Variants in PSMD1 observed in about 807,000 individuals in gnomAD.
PSMD1 encodes proteasome 26S subunit, non-ATPase 1, also known as 26S proteasome non-ATPase regulatory subunit 1.
A neutral mutation model predicts 119.0 loss-of-function variants in PSMD1; 18 were observed. That is an observed-to-expected ratio of 0.15 (90% CI 0.10 to 0.22). PSMD1 has a LOEUF of 0.22. Ranked by LOEUF, PSMD1 falls within the 10% of genes least tolerant of loss-of-function variation. The pLI is 1.00. For missense variants in PSMD1, 702 were observed against 1,158.5 expected (o/e 0.61, Z 5.72); for synonymous variants, 374 against 396.6 (o/e 0.94, Z 0.68).
Position 231,098,055 on chromosome 2 carries a change from G to A in PSMD1, c.1883+10874G>A, listed in dbSNP as rs189706910. Among the ~76,000 whole-genome samples the A allele has an allele frequency of 5.1e-3, 770 of 152,338 alleles. 3 individuals are homozygous for A. The highest frequency in any genetic ancestry group is 5.1e-3 in the Non-Finnish European group (350 of 68,036). ...GAGACATGAATTGAACTTAGTGTTGGGAGACGGAAGCTGGATGGCCCTCGG... is the reference window on the plus strand; with the variant it reads ...GAGACATGAATTGAACTTAGTGTTGAGAGACGGAAGCTGGATGGCCCTCGG... On this transcript the variant is annotated intron_variant, in intron 16 of 24. Transcript: ENST00000308696.
intron 16 of PSMD1, among the ~76,000 whole-genome samples, chr2:231,102,991 T>C (rs1694905235): frequency 6.6e-6 from 1 of 152,254 alleles, no homozygotes; most frequent in South Asian, 2.1e-4. Flanking sequence ...TTTTAAACTT[T>C]AGAAGAGATT....
At chr2:231,165,134 C>A in intron 21 of PSMD1, 66 bp from the exon 22 acceptor site, 1 of 1,210,198 alleles carries the variant, frequency 8.3e-7, no homozygotes, top group Non-Finnish European at 1.1e-6. Flanking sequence ...GGACTGAGTT[C>A]TCTAGGGCTT....
intron 21 of PSMD1, 156 bp from the exon 22 acceptor site, chr2:231,165,034 TTATATATATA>T (rs66656378): frequency 5.3e-3 from 116 of 21,988 alleles, no homozygotes; most frequent in Non-Finnish European, 6.6e-3. Flanking sequence ...TTATATATAT[TTATATATATA>T]TATATATATA....
intron 16 of PSMD1, among the ~76,000 whole-genome samples, chr2:231,088,645 G>T (rs1267476649): frequency 6.6e-6 from 1 of 152,146 alleles, no homozygotes; most frequent in Non-Finnish European, 1.5e-5. Context: ...ATAAATGTGT[G>T]TTCTGACTGC....
intron 16 of PSMD1, among the ~76,000 whole-genome samples, chr2:231,107,989 G>A (rs1342676366): frequency 6.6e-6 from 1 of 152,118 alleles, no homozygotes; most frequent in Non-Finnish European, 1.5e-5. Context: ...ACAGTTTCCT[G>A]ATCAGAGGAA....
intron 16 of PSMD1, among the ~76,000 whole-genome samples, chr2:231,116,051 G>A (rs932811309): frequency 6.6e-6 from 1 of 152,076 alleles, no homozygotes; most frequent in African/African-American, 2.4e-5. Flanking sequence ...AGGAACTAAT[G>A]GGAGGCCTCT....
intron 17 of PSMD1, among the ~76,000 whole-genome samples, chr2:231,140,180 G>T (rs945668030): frequency 6.6e-6 from 1 of 152,088 alleles, no homozygotes; most frequent in Non-Finnish European, 1.5e-5. Flanking sequence ...TAGATTCCTT[G>T]AATTTTTTTC....
intron 18 of PSMD1, among the ~76,000 whole-genome samples, chr2:231,150,116 C>T (rs773794466): frequency 2.0e-5 from 3 of 152,040 alleles, no homozygotes; most frequent in South Asian, 2.1e-4. Context: ...GAGGCCAAGG[C>T]GGGTGGATCA....
intron 18 of PSMD1, among the ~76,000 whole-genome samples, chr2:231,147,404 G>A (rs1357290520): frequency 5.3e-5 from 8 of 152,146 alleles, no homozygotes; most frequent in African/African-American, 1.4e-4. Context: ...AGCTGAGGTG[G>A]GAGAATCACT....
At chr2:231,120,682 A>G (rs1198560135) in intron 16 of PSMD1, among the ~76,000 whole-genome samples, 1 of 152,214 alleles carries the variant, frequency 6.6e-6, no homozygotes, top group Non-Finnish European at 1.5e-5. Context: ...TACTGCTCTT[A>G]TTTTTAAAAT....
chr2:231,163,782 G>A (rs981332987), intron 21 of PSMD1, 55 bp downstream of exon 21: 29 of 1,291,210 alleles, frequency 2.2e-5, no homozygotes, highest in Non-Finnish European at 4.4e-6. Context: ...GAGCCACTGA[G>A]TATTTTACTT....
At position 231,149,020 on chromosome 2, in the gene PSMD1, C is replaced by A. The variant is rs6742906; in HGVS notation, c.2115+2664C>A. On this transcript the variant is annotated intron_variant, in intron 18 of 24. Transcript: ENST00000308696. ...ATTTCATCAAGAGTTATAAACCCCT[C>A]TCAAAGGAATTCAAAAGAGAAATTT... 7.5e-3 allele frequency among the ~76,000 whole-genome samples: 1,136 copies of A among 152,316 alleles called. 22 individuals are homozygous for A. Among genetic ancestry groups the A allele is most frequent in the African/African-American group, 0.026 (1,092 of 41,562 alleles).
chr2:231,158,450 T>G (rs962478140), intron 19 of PSMD1, among the ~76,000 whole-genome samples: 7 of 152,352 alleles, frequency 4.6e-5, no homozygotes, highest in Admixed American at 3.3e-4. Flanking sequence ...ATAAAGAAGT[T>G]GATTGAAGTT....
chr2:231,161,453 T>G lies in PSMD1; in HGVS notation c.2332T>G (p.Phe778Val). The G allele has an allele frequency of 6.2e-7, 1 of 1,614,122 alleles. No individual in the cohort carries two copies. ...TTGGTTCTGGTTTCCTCTTTCACAC[T>G]TCCTGTCATTGGCTTATACCCCTAC... ...QFWFWFPLSHFLSLAYTPTCV... is the reference protein window; with the variant it reads ...QFWFWFPLSHVLSLAYTPTCV... Residue 778 changes from phenylalanine to valine, a missense_variant, in exon 20 of 25, where the codon TTC becomes GTC. Phe to Val is a conservative substitution (Grantham distance 50). Around this residue, in one of 9 missense-constraint regions of PSMD1, gnomAD observed 152 missense variants for 239.3 expected, o/e 0.64. Transcript: ENST00000308696.
chr2:231,118,491 A>G (rs1695421251), intron 16 of PSMD1, among the ~76,000 whole-genome samples: 2 of 152,204 alleles, frequency 1.3e-5, no homozygotes, highest in Admixed American at 1.3e-4. Flanking sequence ...TTTTTTACTA[A>G]CGTTGAATTT....
At chr2:231,113,464 T>C (rs924111108) in intron 16 of PSMD1, among the ~76,000 whole-genome samples, 2 of 152,224 alleles carry the variant, frequency 1.3e-5, no homozygotes, top group Admixed American at 1.3e-4. Context: ...CATATAGAAA[T>C]CTAAGCAGAA....
At position 231,138,836 on chromosome 2, in the gene PSMD1, G is replaced by A; in HGVS notation, c.1984G>A (p.Gly662Ser). 2.5e-6 allele frequency: 4 copies of A among 1,613,694 alleles called. No homozygotes were observed. The highest frequency in any genetic ancestry group is 3.4e-6 in the Non-Finnish European group (4 of 1,179,648). The change falls in exon 17 of 25, where the codon GGT (glycine) becomes AGT (serine). Residue 662 changes from glycine to serine, a missense_variant. Physicochemically the swap from Gly to Ser is moderately conservative, Grantham distance 56. Around this residue, in one of 9 missense-constraint regions of PSMD1, gnomAD observed 272 missense variants for 511.6 expected, o/e 0.53. Coordinates refer to ENST00000308696, the MANE Select transcript of PSMD1 (RefSeq NM_002807.4). ...AATGGCCTTGGGGATATGCTGTGCTGGTACAGGAAACAAGGTAAAGCCCAC... is the reference window on the plus strand; with the variant it reads ...AATGGCCTTGGGGATATGCTGTGCTAGTACAGGAAACAAGGTAAAGCCCAC... ...AAMALGICCA[G>S]TGNKEAINLL...
chr2:231,080,232 A>T lies in PSMD1; in HGVS notation c.1331A>T (p.Tyr444Phe). Residue 444 changes from tyrosine (Y) to phenylalanine (F), a missense_variant, in exon 12 of 25, where the codon TAT becomes TTT. Physicochemically the swap from Tyr to Phe is conservative, Grantham distance 22 (BLOSUM62 3). Around this residue, in one of 9 missense-constraint regions of PSMD1, gnomAD observed 272 missense variants for 511.6 expected, o/e 0.53. Transcript: ENST00000308696. ...GSAYQEGGGL[Y>F]ALGLIHANHG... ...GCCTATCAGGAAGGTGGAGGTCTCT[A>T]TGCACTAGGTCTTATTCATGCCAAT... is the stretch of plus-strand genomic sequence containing the variant. 2 of 1,613,154 alleles carry T rather than the reference A, an allele frequency of 1.2e-6. No individual in the cohort carries two copies. Among genetic ancestry groups the T allele is most frequent in the Non-Finnish European group, 1.7e-6 (2 of 1,179,128 alleles).
chr2:231,153,457 G>A (rs1025848904), intron 18 of PSMD1, 107 bp from the exon 19 acceptor site: 10 of 829,070 alleles, frequency 1.2e-5, no homozygotes, highest in Middle Eastern at 2.3e-4. Flanking sequence ...TGAGCATTAC[G>A]AAACTCAGAA....
Sources: allele counts gnomAD v4.1 joint callset (sites outside exome capture counted in the v4.1 genomes callset), GRCh38; gene constraint gnomAD v4.1.1; regional missense constraint gnomAD v4.1.1; transcripts MANE v1.5; gene names NCBI Gene and HGNC (gene_info 2026-07-23, HGNC 2026-07-21).